SYTL3: variants seen among roughly 807,000 people sequenced by gnomAD.
The protein encoded by SYTL3 is synaptotagmin like 3.
SYTL3 carries 88 observed loss-of-function variants against 82.1 expected under a neutral mutation model. The ratio of observed to expected loss-of-function variants is 1.07; its 90% CI spans 0.90 to 1.28. The LOEUF is 1.28. Among genes scored for constraint, SYTL3 ranks in the 50% most tolerant of loss-of-function variants. SYTL3 has a pLI of 0.00. For missense variants in SYTL3, 831 were observed against 757.6 expected, an observed-to-expected ratio of 1.10 and a Z score of -1.14; for synonymous variants, 311 against 289.4, an observed-to-expected ratio of 1.07 and a Z score of -0.76.
chr6:158,709,916 G>T (rs1385392736), intron 8 of SYTL3, among the ~76,000 whole-genome samples: 2 of 152,076 alleles, frequency 1.3e-5, no homozygotes, highest in African/African-American at 4.8e-5. Context: ...ATGCCTGTAG[G>T]CTCAGCTACT....
chr6:158,674,766 C>G (rs1777834179), intron 5 of SYTL3, among the ~76,000 whole-genome samples: 2 of 152,216 alleles, frequency 1.3e-5, no homozygotes, highest in Non-Finnish European at 2.9e-5. Context: ...GAGTCACAAA[C>G]TTGACATCAA....
At chr6:158,665,652 AGGTCTC>A (rs1406962620) in intron 5 of SYTL3, 39 bp downstream of exon 5, 1 of 1,458,230 alleles carries the variant, frequency 6.9e-7, no homozygotes, top group Admixed American at 2.2e-5. Flanking sequence ...CCACTGATTC[AGGTCTC>A]GGAGGAGGCC....
chr6:158,663,098 A>C lies in SYTL3; in HGVS notation c.-171A>C. 1 of 600,454 alleles carries C rather than the reference A, an allele frequency of 1.7e-6. No homozygotes were observed. Among genetic ancestry groups the C allele is most frequent in the East Asian group, 2.9e-5 (1 of 35,032 alleles). 37.2% of individuals were successfully genotyped at this position (600,454 alleles called of 1,614,324 possible). On this transcript the variant is annotated 5_prime_UTR_variant, in exon 4 of 18. Transcript: ENST00000611299. ...TTTCTTCTTCTAAGGAGTATGACAC[A>C]GTTAAAAAGGAAAAAAGAACCACAA...
intron 5 of SYTL3, among the ~76,000 whole-genome samples, chr6:158,681,389 T>C (rs1778677017): frequency 6.6e-6 from 1 of 152,140 alleles, no homozygotes; most frequent in Non-Finnish European, 1.5e-5. Context: ...CGTAGGGAGC[T>C]GCTGTCAGAC....
chr6:158,657,980 C>G (rs1788900625), intron 2 of SYTL3, among the ~76,000 whole-genome samples: 1 of 152,008 alleles, frequency 6.6e-6, no homozygotes, highest in Non-Finnish European at 1.5e-5. Flanking sequence ...GCAAGCTCTG[C>G]CTCCCAGGTT....
At chr6:158,701,020 A>C (rs1321354029) in intron 6 of SYTL3, among the ~76,000 whole-genome samples, 2 of 152,244 alleles carry the variant, frequency 1.3e-5, no homozygotes, top group East Asian at 3.8e-4. Context: ...GGGGAGAGAC[A>C]GATGCATATT....
At chr6:158,713,939 C>G (rs1315590221) in intron 9 of SYTL3, 61 bp downstream of exon 9, 3 of 1,305,862 alleles carry the variant, frequency 2.3e-6, no homozygotes, top group Non-Finnish European at 3.2e-6. Context: ...AGCCCACTGG[C>G]CAGGGCCTGG....
At chr6:158,670,418 A>G (rs1777230718) in intron 5 of SYTL3, among the ~76,000 whole-genome samples, 1 of 152,244 alleles carries the variant, frequency 6.6e-6, no homozygotes, top group South Asian at 2.1e-4. Flanking sequence ...GCCAAGGTTA[A>G]GATGATATTT....
intron 11 of SYTL3, among the ~76,000 whole-genome samples, chr6:158,736,815 A>C (rs948503463): frequency 6.6e-6 from 1 of 151,766 alleles, no homozygotes; most frequent in Non-Finnish European, 1.5e-5. Context: ...AAGTAGAAAA[A>C]GTAAAACCAT....
intron 9 of SYTL3, among the ~76,000 whole-genome samples, chr6:158,717,255 C>T (rs1783528811): frequency 6.6e-6 from 1 of 151,866 alleles, no homozygotes; most frequent in South Asian, 2.1e-4. Context: ...TTCTGGGCAA[C>T]AGAGTGAGAC....
In SYTL3 at chr6:158,725,522, T is replaced by C; in HGVS notation, c.740T>C (p.Ile247Thr). ...CTCCAGAAGGTCAGTGCACCAGATA[T>C]TCTGAAACCTCTCAATCAAGAGGAT... is the stretch of plus-strand genomic sequence containing the variant. The part of the protein sequence containing the change: ...VTTRKVSAPD[I>T]LKPLNQEDPK... The change falls in exon 11 of 18, where the codon ATT becomes ACT. Residue 247 changes from isoleucine (I) to threonine (T), a missense_variant. Physicochemically the swap from Ile to Thr is moderately conservative, Grantham distance 89 (BLOSUM62 -1). Coordinates refer to ENST00000611299, the MANE Select transcript of SYTL3 (RefSeq NM_001242394.2). The C allele has an allele frequency of 6.2e-7, 1 of 1,614,206 alleles. No individual in the cohort carries two copies. Among genetic ancestry groups the C allele is most frequent in the Non-Finnish European group, 8.5e-7 (1 of 1,180,040 alleles).
upstream of SYTL3, among the ~76,000 whole-genome samples, chr6:158,649,479 T>C (rs1583097245): frequency 6.6e-6 from 1 of 152,344 alleles, no homozygotes; most frequent in East Asian, 1.9e-4. Context: ...TTGCACACAC[T>C]TCATTGTCTT....
intron 12 of SYTL3, among the ~76,000 whole-genome samples, chr6:158,746,757 CCCGG>C (rs1275076276): frequency 6.6e-6 from 1 of 151,746 alleles, no homozygotes; most frequent in Non-Finnish European, 1.5e-5. Context: ...AGCCACCACA[CCCGG>C]CCAGCACTAT....
Position 158,761,993 on chromosome 6 carries a change from A to T in SYTL3, c.1415-83A>T, listed in dbSNP as rs910903275. ...AGGGCTGTAGCAGATTCTCTAGCTGAGCTCTCGGTTTTGGGGTGGTGGTAC... is the reference window on the plus strand; with the variant it reads ...AGGGCTGTAGCAGATTCTCTAGCTGTGCTCTCGGTTTTGGGGTGGTGGTAC... On this transcript the variant is annotated intron_variant, in intron 15 of 17. Coordinates refer to ENST00000611299, the MANE Select transcript of SYTL3 (RefSeq NM_001242394.2). 2.1e-5 allele frequency: 20 copies of T among 940,350 alleles called. No homozygotes were observed. The Admixed American group carries it at 3.0e-4, about 14-fold the overall frequency. 58.3% of individuals were successfully genotyped at this position (940,350 alleles called of 1,614,324 possible). A position where few individuals can be genotyped will look rare whatever the true frequency, so the allele number is the denominator to read the frequency against.
chr6:158,742,888 G>A (rs918822379), intron 11 of SYTL3, among the ~76,000 whole-genome samples: 2 of 152,078 alleles, frequency 1.3e-5, no homozygotes, highest in African/African-American at 4.8e-5. Flanking sequence ...CGTCCAGCCA[G>A]CTGGAAACAT....
Position 158,680,708 on chromosome 6 carries a change from C to T in SYTL3, c.330-2217C>T, listed in dbSNP as rs528249237. Among the ~76,000 whole-genome samples, 139 of 152,046 alleles carry T rather than the reference C, an allele frequency of 9.1e-4. 1 individual carries two copies. Among genetic ancestry groups the T allele is most frequent in the African/African-American group, 2.8e-3 (116 of 41,448 alleles). On this transcript the variant is annotated intron_variant, in intron 5 of 17. Transcript: ENST00000611299. ...CAGGGATTGCAATGAGCTGAGATCG[C>T]GCCACTGCACTCCAGCCTCAACAAC...
At chr6:158,761,999 C>G in intron 15 of SYTL3, 77 bp from the exon 16 acceptor site, 1 of 1,021,156 alleles carries the variant, frequency 9.8e-7, no homozygotes, top group Non-Finnish European at 1.5e-6. Flanking sequence ...GCTGAGCTCT[C>G]GGTTTTGGGG....
At chr6:158,725,307 CGTGTGTG>C (rs1186864812) in intron 10 of SYTL3, among the ~76,000 whole-genome samples, 189 bp from the exon 11 acceptor site, 7 of 151,836 alleles carry the variant, frequency 4.6e-5, no homozygotes, top group African/African-American at 1.7e-4. Context: ...CTCGCATGCG[CGTGTGTG>C]GTGTGTGTGT....
chr6:158,688,004 CTT>C (rs1427505416), intron 6 of SYTL3, among the ~76,000 whole-genome samples: 1 of 152,204 alleles, frequency 6.6e-6, no homozygotes, highest in Non-Finnish European at 1.5e-5. Context: ...CACAGATAGA[CTT>C]ATCCAATTTC....
Sources: gnomAD v4.1 joint callset for allele counts (sites outside exome capture counted in the v4.1 genomes callset) on GRCh38, gnomAD v4.1.1 for gene constraint, MANE v1.5 for transcripts, NCBI Gene and HGNC (gene_info 2026-07-23, HGNC 2026-07-21) for gene names.